Variants in RGS3 observed in about 807,000 individuals in gnomAD.
The protein encoded by RGS3 is regulator of G protein signaling 3.
A neutral mutation model predicts 132.6 loss-of-function variants in RGS3; 80 were observed. That is an observed-to-expected ratio of 0.60 (90% confidence interval 0.50 to 0.73). RGS3 has a LOEUF of 0.73. Among genes scored for constraint, RGS3 ranks in the 30% least tolerant of loss-of-function variants. The pLI is 0.00. For missense variants in RGS3, 1,382 were observed against 1,530.8 expected (o/e 0.90, Z 1.62); for synonymous variants, 598 against 620.6 (o/e 0.96, Z 0.54).
exon 25 of RGS3, chr9:113,596,773 C>A (rs754151024): frequency 1.2e-6 from 2 of 1,609,082 alleles, no homozygotes; most frequent in Non-Finnish European, 1.7e-6. Flanking sequence ...CCCAGGTCAA[C>A]CTGGACTCCT....
chr9:113,471,668 C>T (rs546943289), intron 3 of RGS3, among the ~76,000 whole-genome samples: 4 of 151,978 alleles, frequency 2.6e-5, no homozygotes, highest in African/African-American at 4.8e-5. Context: ...TCTCTCTCTC[C>T]GTCCCTCCTT....
At chr9:113,447,881 G>A (rs1039156773) in intron 1 of RGS3, among the ~76,000 whole-genome samples, 2 of 135,748 alleles carry the variant, frequency 1.5e-5, no homozygotes. Flanking sequence ...ACAGGGTCCC[G>A]CTCTGTTGCC....
At chr9:113,557,806 G>A (rs1213370270) in intron 19 of RGS3, among the ~76,000 whole-genome samples, 2 of 150,694 alleles carry the variant, frequency 1.3e-5, no homozygotes, top group Non-Finnish European at 3.0e-5. Flanking sequence ...GGGATGTAAG[G>A]ATTGTTCTAG....
chr9:113,507,762 T>C lies in RGS3; in HGVS notation c.1437+124T>C. ...GGGGCTGCGATGTTGGGCAAGGAGA[T>C]GGGGTATGTGCTAGCTCTGCCTTCT... On this transcript the variant is annotated intron_variant, in intron 13 of 24. Transcript: ENST00000350696. The surrounding 1 kb of genome is among the most constrained non-coding windows in gnomAD (Gnocchi z 5.0). 1.3e-6 allele frequency: 1 copy of C among 763,360 alleles called. No individual in the cohort carries two copies. 47.3% of individuals were successfully genotyped at this position (763,360 alleles called of 1,614,324 possible).
intron 20 of RGS3, among the ~76,000 whole-genome samples, chr9:113,589,478 C>T (rs1835297696): frequency 6.6e-6 from 1 of 152,236 alleles, no homozygotes; most frequent in Non-Finnish European, 1.5e-5. Context: ...AAGACACTCT[C>T]CTCCCCACAG....
chr9:113,491,127 T>C (rs1830505795), intron 7 of RGS3, among the ~76,000 whole-genome samples: 1 of 143,690 alleles, frequency 7.0e-6, no homozygotes, highest in Non-Finnish European at 1.5e-5. Flanking sequence ...ATAGAAATTA[T>C]ATATACTAAT....
chr9:113,468,416 T>C (rs1483238522), intron 3 of RGS3, among the ~76,000 whole-genome samples: 3 of 152,240 alleles, frequency 2.0e-5, no homozygotes. Flanking sequence ...TATCTGCCTA[T>C]TATCATTCCA....
chr9:113,583,180 A>T, intron 19 of RGS3: 1 of 543,010 alleles, frequency 1.8e-6, no homozygotes. Context: ...CCAAAGCAGG[A>T]GCTAGATAGA....
rs375309143 is a variant in RGS3 at position 113,591,329 on chromosome 9, G to A, written c.3016-4G>A. 5 of 1,613,300 alleles carry A rather than the reference G, an allele frequency of 3.1e-6. No homozygotes were observed. The highest frequency in any genetic ancestry group is 4.2e-6 in the Non-Finnish European group (5 of 1,179,792). On this transcript the variant is annotated splice_polypyrimidine_tract_variant and splice_region_variant and intron_variant, in intron 20 of 24. Coordinates refer to ENST00000350696, the Ensembl canonical transcript of RGS3. This position sits in a 1 kb window ranked among gnomAD's most constrained non-coding sequence, Gnocchi z 4.4. ...ACTGCATCGTGTCTGTCTTCTCTCCGCAGATGAGCGGGGCTGACACCGTTG... is the reference window on the plus strand; with the variant it reads ...ACTGCATCGTGTCTGTCTTCTCTCCACAGATGAGCGGGGCTGACACCGTTG...
intron 19 of RGS3, among the ~76,000 whole-genome samples, chr9:113,568,294 G>T (rs959998269): frequency 2.6e-5 from 4 of 152,200 alleles, no homozygotes; most frequent in Non-Finnish European, 5.9e-5. Context: ...GGACCTTCGG[G>T]CTCACTGACT....
chr9:113,549,933 G>A (rs1038298509), intron 19 of RGS3, among the ~76,000 whole-genome samples: 3 of 152,200 alleles, frequency 2.0e-5, no homozygotes, highest in African/African-American at 7.2e-5. Flanking sequence ...TTGAGCCTGA[G>A]TTTGAGGTTA....
At chr9:113,501,231 G>T in intron 10 of RGS3, 1 of 347,576 alleles carries the variant, frequency 2.9e-6, no homozygotes, top group Non-Finnish European at 5.3e-6. Context: ...AGGGGTGTTT[G>T]TGAGAACATT....
chr9:113,524,113 A>G (rs1832090919), intron 17 of RGS3, among the ~76,000 whole-genome samples: 1 of 152,184 alleles, frequency 6.6e-6, no homozygotes, highest in Admixed American at 6.5e-5. Context: ...CAGTTCCGGC[A>G]CTGGCATTCC....
chr9:113,445,733 C>T (rs1829086207), intron 1 of RGS3, among the ~76,000 whole-genome samples: 1 of 152,196 alleles, frequency 6.6e-6, no homozygotes, highest in South Asian at 2.1e-4. Context: ...GGCTGGAGGG[C>T]GGTGGCGCAA....
intron 15 of RGS3, among the ~76,000 whole-genome samples, chr9:113,516,838 A>G (rs1831695264): frequency 6.6e-6 from 1 of 152,198 alleles, no homozygotes; most frequent in African/African-American, 2.4e-5. Flanking sequence ...CTGGGATTTC[A>G]GGTCCAGCTT....
intron 7 of RGS3, among the ~76,000 whole-genome samples, chr9:113,492,314 C>G (rs1325430371): frequency 6.6e-6 from 1 of 152,198 alleles, no homozygotes; most frequent in East Asian, 1.9e-4. Context: ...TCTTCATTCT[C>G]TCTGGCTCAG....
intron 21 of RGS3, 180 bp from the exon 20 acceptor site, chr9:113,594,250 G>A (rs767001420): frequency 1.2e-6 from 2 of 1,612,014 alleles, no homozygotes; most frequent in Non-Finnish European, 1.7e-6. Flanking sequence ...ACCAATCTGC[G>A]GCCCCAAGGT....
At chr9:113,473,099 TA>T (rs1320846870) in intron 3 of RGS3, among the ~76,000 whole-genome samples, 3 of 152,134 alleles carry the variant, frequency 2.0e-5, no homozygotes, top group Non-Finnish European at 4.4e-5. Flanking sequence ...ATACAGCTGT[TA>T]AAAAAAGAAG....
intron 19 of RGS3, among the ~76,000 whole-genome samples, chr9:113,546,221 T>C (rs1447545572): frequency 6.6e-6 from 1 of 152,222 alleles, no homozygotes; most frequent in East Asian, 1.9e-4. Flanking sequence ...TGACGTTGAC[T>C]GCCCTCCTTG....
Sources: allele counts gnomAD v4.1 joint callset (sites outside exome capture counted in the v4.1 genomes callset), GRCh38; gene constraint gnomAD v4.1.1; non-coding constraint Gnocchi (gnomAD v3.1); transcripts MANE v1.5; gene names NCBI Gene and HGNC (gene_info 2026-07-23, HGNC 2026-07-21).